ESF1: variants seen among roughly 807,000 people sequenced by gnomAD.
ESF1 encodes the protein ESF1 nucleolar pre-rRNA processing protein, also known as ESF1 homolog.
A neutral mutation model predicts 92.0 loss-of-function variants in ESF1; 58 were observed. The observed-to-expected ratio is 0.63, with a 90% CI of 0.51 to 0.78. ESF1 has a LOEUF of 0.78. Among genes scored for constraint, ESF1 ranks in the 30% least tolerant of loss-of-function variants. The probability of loss-of-function intolerance (pLI) is 0.00; values close to 1 mark genes in which losing one functional copy is unlikely to be tolerated. For synonymous variants in ESF1, 321 were observed against 313.7 expected (o/e 1.02, Z -0.24); for missense variants, 922 against 989.1 (o/e 0.93, Z 0.91).
At position 13,738,696 on chromosome 20, in the gene ESF1, G is replaced by A. The variant is rs187801474; in HGVS notation, c.1829-4854C>T. On this transcript the variant is annotated intron_variant, in intron 9 of 13. Transcript: ENST00000617257. ...GAATTATATATTCATTTGTGGAATT[G>A]TAAAAATTATTATTAATGGGTATCT... is the stretch of plus-strand genomic sequence containing the variant. Among the ~76,000 whole-genome samples, 418 of 152,216 alleles carry A rather than the reference G, an allele frequency of 2.7e-3. 1 individual carries two copies. The highest frequency in any genetic ancestry group is 4.9e-3 in the Non-Finnish European group (335 of 68,030).
At position 13,759,946 on chromosome 20, in the gene ESF1, T is replaced by TA. The variant is rs1979084208; in HGVS notation, c.1667-94dup. 3.0e-5 allele frequency: 43 copies of TA among 1,445,414 alleles called. No homozygotes were observed. The South Asian group carries it at 5.9e-4, about 20-fold the overall frequency. The allele number at this position is 1,445,414 out of a possible 1,614,324, so 89.5% of individuals were successfully genotyped here. A position where few individuals can be genotyped will look rare whatever the true frequency, so the allele number is the denominator to read the frequency against. On this transcript the variant is annotated intron_variant, in intron 8 of 13. Coordinates refer to ENST00000617257, the MANE Select transcript of ESF1 (RefSeq NM_001276380.2). ...GTCACTCTCTTTTAAAAGATGCTGTTAGACCACAGGATATCAAAATCAGAC... is the reference window on the plus strand; with the variant it reads ...GTCACTCTCTTTTAAAAGATGCTGTTAAGACCACAGGATATCAAAATCAGAC...
chr20:13,769,954 C>A lies in ESF1; in HGVS notation c.1471G>T (p.Ala491Ser), dbSNP rs931351296. ...GAAGTGAAATATTTTGGTTTATATG[C>A]TGTTAAATTCACTTCTGAGGCTACA... ...KDVASEVNLT[A>S]YKPKYFTSAA... The change falls in exon 7 of 14, where the codon GCA becomes TCA. Residue 491 changes from alanine (A) to serine (S), a missense_variant. Physicochemically the swap from Ala to Ser is moderately conservative, Grantham distance 99 (BLOSUM62 1). Coordinates refer to ENST00000617257, the MANE Select transcript of ESF1 (RefSeq NM_001276380.2). 9.3e-6 allele frequency: 15 copies of A among 1,612,276 alleles called. No individual in the cohort carries two copies. Among genetic ancestry groups the A allele is most frequent in the African/African-American group, 1.3e-5 (1 of 74,846 alleles).
At chr20:13,752,463 A>C (rs1478582410) in intron 9 of ESF1, among the ~76,000 whole-genome samples, 2 of 152,208 alleles carry the variant, frequency 1.3e-5, no homozygotes, top group Non-Finnish European at 2.9e-5. Flanking sequence ...AATTTTAAAC[A>C]TCTGGTTATT....
chr20:13,758,539 T>A lies in ESF1; in HGVS notation c.1828+1153A>T, dbSNP rs116216064. 3.7e-3 allele frequency among the ~76,000 whole-genome samples: 560 copies of A among 152,220 alleles called. 3 individuals carry two copies. Among genetic ancestry groups the A allele is most frequent in the African/African-American group, 0.013 (534 of 41,548 alleles). ...ATCCTCAAATATCAAAATACCCTAT[T>A]TTTTTCCCAAATAAAAACCCACGCA... On this transcript the variant is annotated intron_variant, in intron 9 of 13. Coordinates refer to ENST00000617257, the MANE Select transcript of ESF1 (RefSeq NM_001276380.2).
intron 13 of ESF1, among the ~76,000 whole-genome samples, 172 bp downstream of exon 13, chr20:13,717,196 G>A (rs1219293933): frequency 6.6e-6 from 1 of 152,012 alleles, no homozygotes; most frequent in Non-Finnish European, 1.5e-5. Context: ...GGACTCAAGT[G>A]ATCCTCATGC....
chr20:13,776,417 A>G, intron 2 of ESF1, 147 bp from the exon 3 acceptor site: 1 of 765,112 alleles, frequency 1.3e-6, no homozygotes, highest in Non-Finnish European at 2.0e-6. Flanking sequence ...ATGCTTAGTC[A>G]ATTTTTATGA....
At chr20:13,726,287 G>A (rs1357811940) in intron 11 of ESF1, among the ~76,000 whole-genome samples, 1 of 152,190 alleles carries the variant, frequency 6.6e-6, no homozygotes, top group Non-Finnish European at 1.5e-5. Flanking sequence ...GGACAACAAA[G>A]CCCTACAGGG....
intron 9 of ESF1, among the ~76,000 whole-genome samples, chr20:13,742,078 C>T (rs138917110): frequency 1.4e-4 from 22 of 152,256 alleles, no homozygotes; most frequent in African/African-American, 5.3e-4. Context: ...TAAAGTTCAA[C>T]ATTCATGGTC....
intron 8 of ESF1, 114 bp from the exon 9 acceptor site, chr20:13,759,967 C>T: frequency 1.4e-6 from 2 of 1,403,500 alleles, no homozygotes; most frequent in South Asian, 3.2e-5. Flanking sequence ...ATATCAAAAT[C>T]AGACTTAAAT....
chr20:13,737,510 A>G (rs2049982670), intron 9 of ESF1, among the ~76,000 whole-genome samples: 3 of 152,228 alleles, frequency 2.0e-5, no homozygotes, highest in Admixed American at 2.0e-4. Context: ...AACAAAATGT[A>G]TATTTAAACA....
intron 9 of ESF1, among the ~76,000 whole-genome samples, chr20:13,738,351 T>C (rs990938174): frequency 4.6e-5 from 7 of 151,360 alleles, no homozygotes; most frequent in Non-Finnish European, 1.0e-4. Context: ...TCTTGCTGTG[T>C]TGCCCAGGCT....
chr20:13,756,449 G>A (rs1390324800), intron 9 of ESF1, among the ~76,000 whole-genome samples: 1 of 152,166 alleles, frequency 6.6e-6, no homozygotes, highest in African/African-American at 2.4e-5. Flanking sequence ...CACTCTTACT[G>A]ATTGTTGAAG....
chr20:13,738,999 T>C (rs2049993962), intron 9 of ESF1, among the ~76,000 whole-genome samples: 1 of 152,200 alleles, frequency 6.6e-6, no homozygotes, highest in Non-Finnish European at 1.5e-5. Flanking sequence ...AAATACTCTT[T>C]GGGTGCACTT....
intron 1 of ESF1, 131 bp downstream of exon 1, chr20:13,784,749 A>G (rs909838390): frequency 2.6e-6 from 1 of 381,262 alleles, no homozygotes; most frequent in Non-Finnish European, 4.9e-6. Context: ...AAGGCTCAGG[A>G]GGAAGGGGCA....
At position 13,733,105 on chromosome 20, in the gene ESF1, T is replaced by C. The variant is rs557032320; in HGVS notation, c.1950+616A>G. 1.2e-4 allele frequency among the ~76,000 whole-genome samples: 18 copies of C among 152,090 alleles called. 1 individual carries two copies. In the South Asian group the frequency reaches 3.1e-3, roughly 26 times the overall value. ...CACATCCACCTAATTTTTGCATTTT[T>C]AGTAGAGGCAGGGTTTCGCCATGTT... On this transcript the variant is annotated intron_variant, in intron 10 of 13. Coordinates refer to ENST00000617257, the MANE Select transcript of ESF1 (RefSeq NM_001276380.2).
intron 7 of ESF1, among the ~76,000 whole-genome samples, chr20:13,768,911 A>G (rs1979556243): frequency 6.6e-6 from 1 of 151,046 alleles, no homozygotes; most frequent in South Asian, 2.1e-4. Flanking sequence ...AAAAAAAAAA[A>G]AAGAAAGAAA....
At chr20:13,731,846 T>G (rs1014616309) in intron 10 of ESF1, among the ~76,000 whole-genome samples, 2 of 152,188 alleles carry the variant, frequency 1.3e-5, no homozygotes, top group Non-Finnish European at 2.9e-5. Context: ...GAAGCTTCCA[T>G]AAAAACCCGA....
intron 11 of ESF1, among the ~76,000 whole-genome samples, chr20:13,722,491 G>A (rs2049874450): frequency 6.6e-6 from 1 of 152,028 alleles, no homozygotes; most frequent in South Asian, 2.1e-4. Context: ...ACAGTACTAG[G>A]GAAATGAAAG....
intron 4 of ESF1, among the ~76,000 whole-genome samples, chr20:13,772,919 T>C (rs564356878): frequency 1.3e-5 from 2 of 152,182 alleles, no homozygotes; most frequent in African/African-American, 4.8e-5. Context: ...CAAAACAAGA[T>C]GCTAAGCTCA....
Sources: allele counts gnomAD v4.1 joint callset (sites outside exome capture counted in the v4.1 genomes callset), GRCh38; gene constraint gnomAD v4.1.1; transcripts MANE v1.5; gene names NCBI Gene and HGNC (gene_info 2026-07-23, HGNC 2026-07-21).